The following SEL1L2 variants were observed in gnomAD, a reference collection of about 807,000 sequenced individuals.
The protein encoded by SEL1L2 is SEL1L2 adaptor subunit of SYVN1 ubiquitin ligase.
SEL1L2 carries 89 observed loss-of-function variants against 98.8 expected under a neutral mutation model. That is an observed-to-expected ratio of 0.90 (90% CI 0.76 to 1.07). The LOEUF (loss-of-function observed/expected upper bound fraction) is 1.07. Ranked by LOEUF, SEL1L2 falls within the 50% of genes least tolerant of loss-of-function variation. The pLI, the probability that SEL1L2 is intolerant of heterozygous loss-of-function variation, is 0.00. For missense variants in SEL1L2, 788 were observed against 812.0 expected, an observed-to-expected ratio of 0.97 and a Z score of 0.36; for synonymous variants, 262 against 278.5, an observed-to-expected ratio of 0.94 and a Z score of 0.59.
chr20:13,917,786 C>CTTTTTTTTTTTTTTTTTTTTTTTT lies in SEL1L2; in HGVS notation c.386+1211_386+1234dup, dbSNP rs5840588. Among the ~76,000 whole-genome samples, 26 of 50,104 alleles carry CTTTTTTTTTTTTTTTTTTTTTTTT rather than the reference C, an allele frequency of 5.2e-4. 2 individuals carry two copies. Among genetic ancestry groups the CTTTTTTTTTTTTTTTTTTTTTTTT allele is most frequent in the African/African-American group, 8.2e-4 (9 of 11,020 alleles). The allele number at this position is 50,104 out of a possible 152,430, so 32.9% of individuals were successfully genotyped here. On this transcript the variant is annotated intron_variant, in intron 4 of 19. Coordinates refer to ENST00000284951, the MANE Select transcript of SEL1L2 (RefSeq NM_025229.2). ...CCATACTTTCTTTATTTCTTTCTTT[C>CTTTTTTTTTTTTTTTTTTTTTTTT]TTTTTTTTTTTTTTTTTTTTTTTTT...
At position 13,913,920 on chromosome 20, in the gene SEL1L2, T is replaced by A. The variant is rs1386136679; in HGVS notation, c.411A>T (p.Ala137=). ...KEEAYLLFAK[A]ADMGNLKAME... ...TAGCTTTCAAGTTTCCCATGTCAGC[T>A]GCTTTGGCAAAAAGTAGGTAGGCTC... The change falls in exon 5 of 20, where the codon GCA becomes GCT. Residue 137 remains alanine, a synonymous_variant. Transcript: ENST00000284951. The A allele has an allele frequency of 1.9e-6, 3 of 1,561,906 alleles. No homozygotes were observed. Among genetic ancestry groups the A allele is most frequent in the Non-Finnish European group, 2.6e-6 (3 of 1,163,358 alleles).
intron 5 of SEL1L2, among the ~76,000 whole-genome samples, chr20:13,903,735 C>CG (rs1240087508): frequency 5.3e-5 from 8 of 151,836 alleles, no homozygotes; most frequent in South Asian, 4.2e-4. Context: ...CACTTGAACC[C>CG]GGGGGGGAGA....
At chr20:13,889,146 A>G (rs975908094) in intron 5 of SEL1L2, among the ~76,000 whole-genome samples, 1 of 151,324 alleles carries the variant, frequency 6.6e-6, no homozygotes, top group African/African-American at 2.4e-5. Flanking sequence ...TTTAGTAGAG[A>G]TGGGGTTTCA....
At chr20:13,912,282 T>C (rs1395509784) in intron 5 of SEL1L2, among the ~76,000 whole-genome samples, 1 of 151,690 alleles carries the variant, frequency 6.6e-6, no homozygotes, top group African/African-American at 2.4e-5. Context: ...CTGGACTTTT[T>C]TTCTGTGGGA....
At chr20:13,851,676 G>C (rs1339797034) in intron 18 of SEL1L2, among the ~76,000 whole-genome samples, 1 of 151,982 alleles carries the variant, frequency 6.6e-6, no homozygotes, top group Non-Finnish European at 1.5e-5. Flanking sequence ...AAAGGTGAAA[G>C]TGCCCTGGGC....
At chr20:13,957,114 T>C (rs1164961887) in intron 1 of SEL1L2, among the ~76,000 whole-genome samples, 1 of 152,068 alleles carries the variant, frequency 6.6e-6, no homozygotes, top group Non-Finnish European at 1.5e-5. Flanking sequence ...CTACTTTTTT[T>C]TTTTTGGACA....
intron 15 of SEL1L2, among the ~76,000 whole-genome samples, chr20:13,866,500 G>A (rs955435176): frequency 2.6e-5 from 4 of 152,288 alleles, no homozygotes; most frequent in Admixed American, 2.0e-4. Context: ...AGAGAGAGGA[G>A]AGATCTTTTC....
intron 5 of SEL1L2, 30 bp downstream of exon 5, chr20:13,913,752 T>C: frequency 6.7e-7 from 1 of 1,491,664 alleles, no homozygotes; most frequent in Non-Finnish European, 8.9e-7. Context: ...GATGGAGCTA[T>C]TTAAGGTTTC....
intron 14 of SEL1L2, 129 bp downstream of exon 14, chr20:13,869,374 T>C (rs2046077051): frequency 4.3e-6 from 3 of 694,704 alleles, no homozygotes; most frequent in Admixed American, 2.6e-5. Context: ...TTCAAATTCT[T>C]ATTTAATTTG....
chr20:13,932,248 T>C (rs1171031323), intron 2 of SEL1L2, among the ~76,000 whole-genome samples: 2 of 152,112 alleles, frequency 1.3e-5, no homozygotes, highest in Non-Finnish European at 2.9e-5. Context: ...ACAATTAATC[T>C]TTTTTAAGTA....
chr20:13,876,470 C>G (rs1408067481), intron 11 of SEL1L2, among the ~76,000 whole-genome samples: 1 of 137,066 alleles, frequency 7.3e-6, no homozygotes, highest in East Asian at 2.2e-4. Flanking sequence ...GCAGGACATT[C>G]GTCCCTATGG....
chr20:13,947,150 T>C (rs6033856), intron 2 of SEL1L2, among the ~76,000 whole-genome samples: 150,397 of 152,202 alleles, frequency 0.99, 74,306 homozygotes, highest in East Asian at 1. Context: ...GTGGAGTCTG[T>C]AGCTGGGAGT....
intron 2 of SEL1L2, among the ~76,000 whole-genome samples, chr20:13,935,167 C>T (rs544081824): frequency 6.6e-6 from 1 of 152,268 alleles, no homozygotes; most frequent in South Asian, 2.1e-4. Context: ...AGAACACAGT[C>T]AGCGAGACCA....
intron 5 of SEL1L2, among the ~76,000 whole-genome samples, chr20:13,900,057 G>T (rs919381131): frequency 7.2e-5 from 11 of 151,932 alleles, no homozygotes; most frequent in Non-Finnish European, 1.3e-4. Context: ...AATTTCTGAT[G>T]GTTTTATTTT....
At chr20:13,893,713 G>A (rs1358719315) in intron 5 of SEL1L2, among the ~76,000 whole-genome samples, 1 of 152,058 alleles carries the variant, frequency 6.6e-6, no homozygotes, top group East Asian at 1.9e-4. Flanking sequence ...TACTTTACAG[G>A]AGCAAAAGTA....
chr20:13,984,792 A>C (rs542742563), intron 1 of SEL1L2, among the ~76,000 whole-genome samples: 55 of 150,424 alleles, frequency 3.7e-4, no homozygotes, highest in South Asian at 3.6e-3. Context: ...TTTGCTTTTA[A>C]ATTTTTTTTG....
rs373753144 is a variant in SEL1L2, at chr20:13,855,623, AT to A, written c.1818+3638del. Among the ~76,000 whole-genome samples the A allele has an allele frequency of 1.1e-3, 169 of 152,210 alleles. 1 individual carries two copies. The highest frequency in any genetic ancestry group is 3.4e-3 in the African/African-American group (143 of 41,542). ...AGCGTATGTTCCTGGTTGGTGGTGA[AT>A]TTTTTTCATGTGGTAATTGTGGGGC... On this transcript the variant is annotated intron_variant, in intron 18 of 19. Coordinates refer to ENST00000284951, the MANE Select transcript of SEL1L2 (RefSeq NM_025229.2).
chr20:13,942,981 C>T (rs546844577), intron 2 of SEL1L2, among the ~76,000 whole-genome samples: 1 of 152,224 alleles, frequency 6.6e-6, no homozygotes, highest in East Asian at 1.9e-4. Context: ...ATTTTCCTAA[C>T]ACATCTAAGA....
intron 18 of SEL1L2, among the ~76,000 whole-genome samples, chr20:13,856,616 C>T (rs545823466): frequency 1.5e-4 from 23 of 152,230 alleles, no homozygotes; most frequent in East Asian, 7.7e-4. Flanking sequence ...CTGGCTGAGA[C>T]GCTTCTCAGT....
Sources: allele counts gnomAD v4.1 joint callset (sites outside exome capture counted in the v4.1 genomes callset), GRCh38; gene constraint gnomAD v4.1.1; transcripts MANE v1.5; gene names NCBI Gene and HGNC (gene_info 2026-07-23, HGNC 2026-07-21).